Variants in ERC2 observed in about 807,000 individuals in gnomAD.
ERC2 encodes the protein ERC protein 2.
In ERC2, 42 loss-of-function variants were observed where a neutral mutation model predicts 114.8. That is an observed-to-expected ratio of 0.37 (90% CI 0.29 to 0.47). The LOEUF (loss-of-function observed/expected upper bound fraction) is 0.47, where lower values mean the gene tolerates loss of function less well. Among genes scored for constraint, ERC2 ranks in the 20% least tolerant of loss-of-function variants. The pLI, the probability that ERC2 is intolerant of heterozygous loss-of-function variation, is 0.99. For missense variants in ERC2, 939 were observed against 1,150.7 expected (o/e 0.82, Z 2.66); for synonymous variants, 454 against 425.5 (o/e 1.07, Z -0.82).
At chr3:55,674,674 C>G (rs1482588859) in intron 17 of ERC2, among the ~76,000 whole-genome samples, 1 of 152,124 alleles carries the variant, frequency 6.6e-6, no homozygotes, top group African/African-American at 2.4e-5. Context: ...CCTTTTTATT[C>G]TGGATCTAAT....
At chr3:55,875,316 G>C (rs372659917) in intron 14 of ERC2, among the ~76,000 whole-genome samples, 2 of 152,182 alleles carry the variant, frequency 1.3e-5, no homozygotes, top group African/African-American at 4.8e-5. Context: ...CAATTGAACT[G>C]TTATCATAAC....
chr3:56,370,601 T>TG (rs1402418746), intron 2 of ERC2, among the ~76,000 whole-genome samples: 301 of 149,646 alleles, frequency 2.0e-3, no homozygotes, highest in Non-Finnish European at 2.4e-3. Flanking sequence ...TTTTGTTTTT[T>TG]TTTTTTTTTT....
intron 2 of ERC2, among the ~76,000 whole-genome samples, chr3:56,412,947 T>C (rs1055193046): frequency 5.3e-5 from 8 of 152,238 alleles, no homozygotes; most frequent in African/African-American, 1.9e-4. Flanking sequence ...TGCACATTTG[T>C]GACAAATGCT....
In ERC2 at chr3:55,957,734, G is replaced by C. The variant is rs534661179; in HGVS notation, c.2268-7174C>G. 3.4e-4 allele frequency among the ~76,000 whole-genome samples: 52 copies of C among 152,218 alleles called. 2 individuals carry two copies. The Middle Eastern group carries it at 0.014, about 40-fold the overall frequency. On this transcript the variant is annotated intron_variant, in intron 12 of 17. Coordinates refer to ENST00000288221, the MANE Select transcript of ERC2 (RefSeq NM_015576.3). The stretch of plus-strand genomic sequence containing the variant: ...GTGTTCCAGCTGCAGTGGGGAGGAG[G>C]GGGGGGCAGCTCCAGGCGCCTGCTC...
intron 2 of ERC2, among the ~76,000 whole-genome samples, chr3:56,303,779 T>C (rs925653926): frequency 5.3e-5 from 8 of 152,194 alleles, no homozygotes; most frequent in Admixed American, 2.0e-4. Flanking sequence ...AAGGGTTGAA[T>C]GTGGTCCTAA....
rs536325024 is a variant in ERC2 at position 56,290,543 on chromosome 3, G to A, written c.1074+5476C>T. Among the ~76,000 whole-genome samples the A allele has an allele frequency of 5.3e-5, 8 of 152,338 alleles. No individual in the cohort carries two copies. In the South Asian group the frequency reaches 1.7e-3, roughly 32 times the overall value. ...GGTAGAAATAGAATGTATTGAATCT[G>A]TAGAGACAGAATTAGAAATGCCTGC... On this transcript the variant is annotated intron_variant, in intron 3 of 17. Coordinates refer to ENST00000288221, the MANE Select transcript of ERC2 (RefSeq NM_015576.3).
At chr3:55,827,224 GA>G (rs1267307786) in intron 14 of ERC2, among the ~76,000 whole-genome samples, 1 of 144,648 alleles carries the variant, frequency 6.9e-6, no homozygotes, top group Non-Finnish European at 1.5e-5. Flanking sequence ...AAGAAGAAAA[GA>G]AAAGAAAGAA....
At chr3:55,555,111 T>C (rs2055507052) in intron 17 of ERC2, among the ~76,000 whole-genome samples, 1 of 151,884 alleles carries the variant, frequency 6.6e-6, no homozygotes, top group Non-Finnish European at 1.5e-5. Context: ...AGATGAATAA[T>C]CCTAATAATT....
At chr3:55,875,525 C>T (rs146616842) in intron 14 of ERC2, among the ~76,000 whole-genome samples, 3 of 152,256 alleles carry the variant, frequency 2.0e-5, no homozygotes, top group Admixed American at 6.5e-5. Flanking sequence ...TCCCAAATTC[C>T]GTGACTGGAA....
intron 4 of ERC2, among the ~76,000 whole-genome samples, chr3:56,158,893 T>A (rs1187468258): frequency 6.6e-6 from 1 of 151,964 alleles, no homozygotes; most frequent in Non-Finnish European, 1.5e-5. Flanking sequence ...AGGGGAGTGA[T>A]ATGGTTTGGA....
intron 13 of ERC2, among the ~76,000 whole-genome samples, chr3:55,920,555 T>G (rs1436127531): frequency 1.3e-5 from 2 of 152,052 alleles, no homozygotes; most frequent in Non-Finnish European, 2.9e-5. Context: ...AATCAACACA[T>G]TTCATGCATA....
At chr3:56,462,812 G>T (rs1240489184) in intron 1 of ERC2, among the ~76,000 whole-genome samples, 2 of 152,188 alleles carry the variant, frequency 1.3e-5, no homozygotes, top group Non-Finnish European at 2.9e-5. Flanking sequence ...TGGCTTACAA[G>T]TAAAGAGCTT....
At chr3:55,563,152 A>G (rs574954331) in intron 17 of ERC2, among the ~76,000 whole-genome samples, 1 of 152,282 alleles carries the variant, frequency 6.6e-6, no homozygotes. Flanking sequence ...AAGAGGATGA[A>G]GGTGCTGTTT....
rs189525954 is a variant in ERC2, at chr3:55,807,619, G to T, written c.2565-72701C>A. Among the ~76,000 whole-genome samples the T allele has an allele frequency of 1.4e-3, 204 of 149,092 alleles. 8 individuals are homozygous for T. The highest frequency in any genetic ancestry group is 0.013 in the Admixed American group (195 of 15,182). On this transcript the variant is annotated intron_variant, in intron 14 of 17. Coordinates refer to ENST00000288221, the MANE Select transcript of ERC2 (RefSeq NM_015576.3). Reference sequence around the variant, plus strand: ...TTTATTTGTAAAAATAAAATTAAAGGACTGGATTTGGCCAGCCGCAGTTTT... The same window carrying T: ...TTTATTTGTAAAAATAAAATTAAAGTACTGGATTTGGCCAGCCGCAGTTTT...
intron 14 of ERC2, among the ~76,000 whole-genome samples, chr3:55,840,968 A>C (rs2149215323): frequency 6.6e-6 from 1 of 152,246 alleles, no homozygotes; most frequent in East Asian, 1.9e-4. Context: ...GGGGTCATGG[A>C]GAGGTAGGAG....
chr3:56,230,846 G>C (rs991419785), intron 3 of ERC2, among the ~76,000 whole-genome samples: 1 of 152,154 alleles, frequency 6.6e-6, no homozygotes, highest in Non-Finnish European at 1.5e-5. Flanking sequence ...ACTTCTCTCA[G>C]TATCTCCAGG....
intron 14 of ERC2, among the ~76,000 whole-genome samples, chr3:55,796,051 G>A (rs1439381040): frequency 6.6e-6 from 1 of 152,208 alleles, no homozygotes; most frequent in Non-Finnish European, 1.5e-5. Flanking sequence ...ATTCTTTGGT[G>A]AGCAACAGTG....
chr3:55,686,087 G>C (rs1325833504), intron 16 of ERC2, among the ~76,000 whole-genome samples: 1 of 152,182 alleles, frequency 6.6e-6, no homozygotes, highest in Non-Finnish European at 1.5e-5. Context: ...AAACAGACAG[G>C]AGTTGTAGTT....
chr3:55,522,351 C>T (rs2053016918), intron 17 of ERC2, among the ~76,000 whole-genome samples: 1 of 152,272 alleles, frequency 6.6e-6, no homozygotes, highest in South Asian at 2.1e-4. Flanking sequence ...AATGCTACCT[C>T]GTTTTGGTCT....
Sources: gnomAD v4.1 joint callset for allele counts (sites outside exome capture counted in the v4.1 genomes callset) on GRCh38, gnomAD v4.1.1 for gene constraint, MANE v1.5 for transcripts, NCBI Gene and HGNC (gene_info 2026-07-23, HGNC 2026-07-21) for gene names.